The following GABRB3 variants were observed in gnomAD, a reference collection of about 807,000 sequenced individuals.
The protein encoded by GABRB3 is gamma-aminobutyric acid type A receptor subunit beta3, also known as gamma-aminobutyric acid receptor subunit beta-3.
In GABRB3, 14 loss-of-function variants were observed where a neutral mutation model predicts 52.1. The observed-to-expected ratio is 0.27, with a 90% confidence interval of 0.18 to 0.42. The LOEUF (loss-of-function observed/expected upper bound fraction) is 0.42, where lower values mean the gene tolerates loss of function less well. Ranked by LOEUF, GABRB3 falls within the 10% of genes least tolerant of loss-of-function variation. GABRB3 has a pLI of 1.00. For synonymous variants in GABRB3, 260 were observed against 232.3 expected (o/e 1.12, Z -1.08); for missense variants, 307 against 609.1 (o/e 0.50, Z 5.22).
chr15:26,679,718 G>A (rs1013349300), intron 3 of GABRB3, among the ~76,000 whole-genome samples: 2 of 151,954 alleles, frequency 1.3e-5, no homozygotes, highest in African/African-American at 4.8e-5. Context: ...TTCCGGAGAT[G>A]GGGGAATCAG....
At chr15:26,712,832 C>T (rs571930734) in intron 3 of GABRB3, among the ~76,000 whole-genome samples, 5 of 152,114 alleles carry the variant, frequency 3.3e-5, no homozygotes, top group African/African-American at 7.2e-5. Flanking sequence ...GAGCAGATAT[C>T]GTGGCCGGAG....
chr15:26,772,946 C>T lies in GABRB3; in HGVS notation c.17G>A (p.Gly6Glu), dbSNP rs765680963. The T allele has an allele frequency of 2.0e-6, 3 of 1,472,838 alleles. No homozygotes were observed. Among genetic ancestry groups the T allele is most frequent in the Non-Finnish European group, 2.7e-6 (3 of 1,109,062 alleles). 91.2% of individuals were successfully genotyped at this position (1,472,838 alleles called of 1,614,324 possible). ...CGAGAAGATGCCGAAAAGCCTTCCT[C>T]CCGCAAGGCCCCACATCCCTCCGCC... MWGLA[G>E]GRLFGIFSAP... Residue 6 changes from glycine (G) to glutamate (E), a missense_variant, in exon 1 of 9, where the codon GGA becomes GAA. Gly to Glu is a moderately conservative substitution (Grantham distance 98). Coordinates refer to ENST00000311550, the MANE Select transcript of GABRB3 (RefSeq NM_000814.6).
At chr15:26,554,021 T>TATATATATATA (rs1555400757) in intron 8 of GABRB3, among the ~76,000 whole-genome samples, 3 of 23,678 alleles carry the variant, frequency 1.3e-4, no homozygotes, top group African/African-American at 5.5e-4. Flanking sequence ...ACCTGACTAT[T>TATATATATATA]TATATATATA....
intron 4 of GABRB3, among the ~76,000 whole-genome samples, chr15:26,604,549 G>C (rs1200517116): frequency 2.6e-5 from 4 of 152,096 alleles, no homozygotes; most frequent in Non-Finnish European, 5.9e-5. Flanking sequence ...AAACAGAATA[G>C]TACTGGCATA....
chr15:26,604,870 T>C (rs1184346530), intron 4 of GABRB3, among the ~76,000 whole-genome samples: 2 of 151,934 alleles, frequency 1.3e-5, no homozygotes, highest in South Asian at 2.1e-4. Context: ...AAGAAAATAT[T>C]GAGTGACACC....
chr15:26,685,799 CT>C (rs371341373), intron 3 of GABRB3, among the ~76,000 whole-genome samples: 49,663 of 130,966 alleles, frequency 0.38, 9,233 homozygotes, highest in Non-Finnish European at 0.46. Flanking sequence ...GTAAGATGGT[CT>C]TTTTTTTTTT....
At position 26,670,513 on chromosome 15, in the gene GABRB3, G is replaced by A. The variant is rs1263813102; in HGVS notation, c.241-48979C>T. Among the ~76,000 whole-genome samples the A allele has an allele frequency of 3.9e-5, 6 of 152,162 alleles. 1 individual carries two copies. Among genetic ancestry groups the A allele is most frequent in the Non-Finnish European group, 4.4e-5 (3 of 68,002 alleles). On this transcript the variant is annotated intron_variant, in intron 3 of 8. Coordinates refer to ENST00000311550, the MANE Select transcript of GABRB3 (RefSeq NM_000814.6). ...GGGAAGGGAGGAAGGGAAGAGAAGA[G>A]GAGCCCAGGCCCGTGCCGACCGCAG...
At chr15:26,548,399 A>T (rs1299786943) in intron 8 of GABRB3, among the ~76,000 whole-genome samples, 3 of 152,212 alleles carry the variant, frequency 2.0e-5, no homozygotes, top group Non-Finnish European at 4.4e-5. Context: ...TTGCAATTTC[A>T]CATTATGGAT....
chr15:26,722,147 C>T (rs911908648), intron 3 of GABRB3, among the ~76,000 whole-genome samples: 1 of 152,004 alleles, frequency 6.6e-6, no homozygotes, highest in Non-Finnish European at 1.5e-5. Flanking sequence ...TATAGTTTGC[C>T]CCATCTAGGT....
In GABRB3 at chr15:26,731,651, TCA is replaced by T. The variant is rs778693150; in HGVS notation, c.240+40749_240+40750del. Among the ~76,000 whole-genome samples the T allele has an allele frequency of 5.3e-5, 8 of 152,332 alleles. No individual in the cohort carries two copies. The South Asian group carries it at 1.0e-3, about 20-fold the overall frequency. On this transcript the variant is annotated intron_variant, in intron 3 of 8. Transcript: ENST00000311550. ...TTCCCTCCCTGCCATATTCATATTC[TCA>T]CACTCTGCATTTTTATTTCTGCATG... is the stretch of plus-strand genomic sequence containing the variant.
At chr15:26,673,287 G>C (rs1887956177) in intron 3 of GABRB3, among the ~76,000 whole-genome samples, 1 of 151,934 alleles carries the variant, frequency 6.6e-6, no homozygotes, top group Non-Finnish European at 1.5e-5. Context: ...GGTAGATGCA[G>C]GCAACTTAGT....
rs564259266 is a variant in GABRB3 at position 26,552,964 on chromosome 15, A to G, written c.1081-4830T>C. ...CTGATTTTGAATCATGAGAGAAAGC[A>G]TATTTGGTTACCATGAAAAGGGATT... On this transcript the variant is annotated intron_variant, in intron 8 of 8. Transcript: ENST00000311550. Among the ~76,000 whole-genome samples, 34 of 152,312 alleles carry G rather than the reference A, an allele frequency of 2.2e-4. 1 individual carries two copies. In the South Asian group the frequency reaches 5.0e-3, roughly 22 times the overall value.
chr15:26,772,985 G>A lies in GABRB3; in HGVS notation c.-23C>T. The A allele has an allele frequency of 1.0e-5, 14 of 1,368,412 alleles. No homozygotes were observed. Among genetic ancestry groups the A allele is most frequent in the Non-Finnish European group, 1.3e-5 (14 of 1,051,058 alleles). The allele number at this position is 1,368,412 out of a possible 1,614,324, so 84.8% of individuals were successfully genotyped here. A position where few individuals can be genotyped will look rare whatever the true frequency, so the allele number is the denominator to read the frequency against. On this transcript the variant is annotated 5_prime_UTR_variant, in exon 1 of 9. Transcript: ENST00000311550. ...CATCCCTCCGCCGCGCCCCGGCACG[G>A]GGGAGGGGGCGCCCCGCCGCCGTCG...
intron 3 of GABRB3, among the ~76,000 whole-genome samples, chr15:26,754,250 C>T (rs1890595323): frequency 6.6e-6 from 1 of 152,098 alleles, no homozygotes; most frequent in East Asian, 1.9e-4. Flanking sequence ...GGAGAGAAGA[C>T]GACCAGCAAC....
At chr15:26,616,836 A>G (rs1476921402) in intron 4 of GABRB3, among the ~76,000 whole-genome samples, 2 of 152,166 alleles carry the variant, frequency 1.3e-5, no homozygotes, top group Non-Finnish European at 2.9e-5. Context: ...ACATTTTCAA[A>G]CAGTTGTGGA....
chr15:26,680,894 C>A (rs1159940629), intron 3 of GABRB3, among the ~76,000 whole-genome samples: 1 of 152,186 alleles, frequency 6.6e-6, no homozygotes, highest in Non-Finnish European at 1.5e-5. Context: ...TACTGAATAA[C>A]TATCCTGTCT....
rs57833685 is a variant in GABRB3, at chr15:26,649,658, CTGTGTGTG to C, written c.241-28132_241-28125del. ...AGAAGAAAGCAGGACAGAGCCAAGG[CTGTGTGTG>C]TGTGTGTGTGTGTGTGTGTGTGTGT... On this transcript the variant is annotated intron_variant, in intron 3 of 8. Coordinates refer to ENST00000311550, the MANE Select transcript of GABRB3 (RefSeq NM_000814.6). Among the ~76,000 whole-genome samples the C allele has an allele frequency of 2.5e-4, 32 of 130,096 alleles. 1 individual carries two copies. The highest frequency in any genetic ancestry group is 3.4e-4 in the Non-Finnish European group (21 of 62,650). 85.3% of individuals were successfully genotyped at this position (130,096 alleles called of 152,430 possible).
Position 26,624,588 on chromosome 15 carries a change from T to C in GABRB3, c.241-3054A>G, listed in dbSNP as rs922473996. Reference sequence around the variant, plus strand: ...CCAGCAGCGCCTCTCAGTTTGGGTCTTGGGTGTCTGCTGAGGTGACTTGAG... The same window carrying C: ...CCAGCAGCGCCTCTCAGTTTGGGTCCTGGGTGTCTGCTGAGGTGACTTGAG... On this transcript the variant is annotated intron_variant, in intron 3 of 8. Transcript: ENST00000311550. The C allele has an allele frequency of 7.1e-6, 7 of 985,482 alleles. No homozygotes were observed. The East Asian group carries it at 3.4e-4, about 48-fold the overall frequency. 61.0% of individuals were successfully genotyped at this position (985,482 alleles called of 1,614,324 possible). A position where few individuals can be genotyped will look rare whatever the true frequency, so the allele number is the denominator to read the frequency against.
chr15:26,615,506 A>C, intron 4 of GABRB3: 1 of 926,992 alleles, frequency 1.1e-6, no homozygotes, highest in Non-Finnish European at 1.3e-6. Flanking sequence ...TCATGATTTA[A>C]AACAACCTTT....
Sources: gnomAD v4.1 joint callset for allele counts (sites outside exome capture counted in the v4.1 genomes callset) on GRCh38, gnomAD v4.1.1 for gene constraint, MANE v1.5 for transcripts, NCBI Gene and HGNC (gene_info 2026-07-23, HGNC 2026-07-21) for gene names.